Variants in SAMD4A observed in about 807,000 individuals in gnomAD.
SAMD4A encodes the protein sterile alpha motif domain containing 4A.
SAMD4A carries 33 observed loss-of-function variants against 81.3 expected under a neutral mutation model. That is an observed-to-expected ratio of 0.41 (90% confidence interval 0.31 to 0.54). The LOEUF is 0.54. Among genes scored for constraint, SAMD4A ranks in the 20% least tolerant of loss-of-function variants. The pLI, the probability that SAMD4A is intolerant of heterozygous loss-of-function variation, is 0.37. For synonymous variants in SAMD4A, 389 were observed against 382.1 expected (o/e 1.02, Z -0.21); for missense variants, 854 against 951.1 (o/e 0.90, Z 1.34).
intron 2 of SAMD4A, among the ~76,000 whole-genome samples, chr14:54,617,633 T>C (rs2034521272): frequency 6.6e-6 from 1 of 152,202 alleles, no homozygotes; most frequent in Non-Finnish European, 1.5e-5. Context: ...AGTCATTAGA[T>C]TTCATGATTA....
intron 2 of SAMD4A, among the ~76,000 whole-genome samples, chr14:54,641,683 C>G (rs1426267125): frequency 6.6e-6 from 1 of 152,208 alleles, no homozygotes; most frequent in African/African-American, 2.4e-5. Context: ...ACACTCAAGT[C>G]TTCTGACTCC....
At chr14:54,684,677 C>G (rs1467193906) in intron 2 of SAMD4A, among the ~76,000 whole-genome samples, 1 of 150,922 alleles carries the variant, frequency 6.6e-6, no homozygotes, top group South Asian at 2.1e-4. Flanking sequence ...GCCCCCTCCC[C>G]CAGATGCTGT....
At chr14:54,707,043 A>G (rs2036877923) in intron 3 of SAMD4A, among the ~76,000 whole-genome samples, 1 of 151,894 alleles carries the variant, frequency 6.6e-6, no homozygotes, top group Non-Finnish European at 1.5e-5. Context: ...AGGAATGGAT[A>G]CTAGAAATGT....
chr14:54,760,564 C>T lies in SAMD4A; in HGVS notation c.1510+70C>T, dbSNP rs934729719. 4.4e-6 allele frequency: 6 copies of T among 1,360,220 alleles called. No homozygotes were observed. In the African/African-American group the frequency reaches 9.2e-5, roughly 21 times the overall value. 84.3% of individuals were successfully genotyped at this position (1,360,220 alleles called of 1,614,324 possible). A position where few individuals can be genotyped will look rare whatever the true frequency, so the allele number is the denominator to read the frequency against. ...AACCAGAGCGACAGGCTCCTGGGGG[C>T]TTCCCCTGGGTGCTGGATAAATTCC... On this transcript the variant is annotated intron_variant, in intron 7 of 12. Coordinates refer to ENST00000554335, the MANE Select transcript of SAMD4A (RefSeq NM_015589.6).
intron 7 of SAMD4A, among the ~76,000 whole-genome samples, chr14:54,764,100 G>A (rs1052047468): frequency 2.0e-5 from 3 of 152,194 alleles, no homozygotes; most frequent in African/African-American, 7.2e-5. Flanking sequence ...CAGTGTCAGG[G>A]TCTTGGATAC....
At chr14:54,620,709 A>T (rs1259938082) in intron 2 of SAMD4A, among the ~76,000 whole-genome samples, 1 of 152,202 alleles carries the variant, frequency 6.6e-6, no homozygotes, top group African/African-American at 2.4e-5. Context: ...TTTCTGAGCA[A>T]ACTTGTCTGT....
At chr14:54,748,740 G>T in intron 4 of SAMD4A, 75 bp from the exon 5 acceptor site, 5 of 999,756 alleles carry the variant, frequency 5.0e-6, no homozygotes, top group East Asian at 2.6e-5. Context: ...TCCTTTCTCT[G>T]TTCCTACATC....
intron 2 of SAMD4A, among the ~76,000 whole-genome samples, chr14:54,596,049 G>C (rs1259013416): frequency 6.6e-6 from 1 of 152,216 alleles, no homozygotes; most frequent in Non-Finnish European, 1.5e-5. Context: ...AGGTCTGGTA[G>C]AGAAGGATCT....
intron 2 of SAMD4A, among the ~76,000 whole-genome samples, chr14:54,571,078 G>A (rs1012061403): frequency 3.3e-5 from 5 of 152,148 alleles, no homozygotes; most frequent in African/African-American, 1.2e-4. Context: ...CTCGTTTTAT[G>A]CAGGACTGAT....
intron 3 of SAMD4A, among the ~76,000 whole-genome samples, chr14:54,705,865 T>G (rs1332329867): frequency 1.3e-5 from 2 of 152,216 alleles, no homozygotes; most frequent in South Asian, 2.1e-4. Flanking sequence ...AATTAAATAT[T>G]CCTTTTTGCT....
chr14:54,770,702 T>C (rs1206478302), intron 9 of SAMD4A, among the ~76,000 whole-genome samples: 1 of 152,232 alleles, frequency 6.6e-6, no homozygotes, highest in East Asian at 1.9e-4. Context: ...TGCAGTCTCA[T>C]AGTGGAGCAG....
At chr14:54,740,342 G>A (rs1452474883) in intron 4 of SAMD4A, among the ~76,000 whole-genome samples, 3 of 152,214 alleles carry the variant, frequency 2.0e-5, no homozygotes, top group Non-Finnish European at 4.4e-5. Flanking sequence ...CCACTTTGGG[G>A]TGCCATCATC....
intron 2 of SAMD4A, among the ~76,000 whole-genome samples, chr14:54,572,457 C>CT (rs1485180389): frequency 2.6e-5 from 4 of 152,320 alleles, no homozygotes; most frequent in South Asian, 2.1e-4. Context: ...GCATGATCCT[C>CT]TGAGAGGCAT....
chr14:54,751,446 T>C lies in SAMD4A; in HGVS notation c.1090-5T>C, dbSNP rs376743887. 1.3e-6 allele frequency: 2 copies of C among 1,531,182 alleles called. No individual in the cohort carries two copies. The highest frequency in any genetic ancestry group is 1.8e-6 in the Non-Finnish European group (2 of 1,115,942). The allele number at this position is 1,531,182 out of a possible 1,614,324, so 94.8% of individuals were successfully genotyped here. On this transcript the variant is annotated splice_polypyrimidine_tract_variant and splice_region_variant and intron_variant, in intron 5 of 12. Coordinates refer to ENST00000554335, the MANE Select transcript of SAMD4A (RefSeq NM_015589.6). Reference sequence around the variant, plus strand: ...ATTTAAATGTAACTTGTTATTTAATTACAGAATGTTACCAAAGGTGCAAGA... The same window carrying C: ...ATTTAAATGTAACTTGTTATTTAATCACAGAATGTTACCAAAGGTGCAAGA...
intron 2 of SAMD4A, among the ~76,000 whole-genome samples, chr14:54,601,065 TATGCCATAA>T (rs922241544): frequency 1.3e-5 from 2 of 152,208 alleles, no homozygotes; most frequent in African/African-American, 4.8e-5. Flanking sequence ...TGGAGGGGAC[TATGCCATAA>T]ATTCCTCTTC....
chr14:54,702,815 C>G (rs959423065), intron 3 of SAMD4A: 2 of 511,082 alleles, frequency 3.9e-6, no homozygotes, highest in Non-Finnish European at 6.9e-6. Flanking sequence ...GGGTTATAAA[C>G]AGACCAAAAA....
chr14:54,772,395 A>G (rs1385972584), intron 9 of SAMD4A, among the ~76,000 whole-genome samples: 5 of 151,948 alleles, frequency 3.3e-5, no homozygotes, highest in Non-Finnish European at 7.4e-5. Flanking sequence ...AGCAGTGGCA[A>G]CCCTCTGCAA....
At chr14:54,662,015 G>T (rs1323370154) in intron 2 of SAMD4A, among the ~76,000 whole-genome samples, 1 of 152,228 alleles carries the variant, frequency 6.6e-6, no homozygotes, top group Non-Finnish European at 1.5e-5. Context: ...AGAGCAAGGG[G>T]CTGGGAGCCA....
chr14:54,574,214 A>T (rs774345907), intron 2 of SAMD4A, among the ~76,000 whole-genome samples: 2 of 152,232 alleles, frequency 1.3e-5, no homozygotes, highest in Non-Finnish European at 2.9e-5. Context: ...TGAAACAAAC[A>T]TAAGAAAATA....
Sources: allele counts gnomAD v4.1 joint callset (sites outside exome capture counted in the v4.1 genomes callset), GRCh38; gene constraint gnomAD v4.1.1; transcripts MANE v1.5; gene names NCBI Gene and HGNC (gene_info 2026-07-23, HGNC 2026-07-21).